Variants in TPRG1 observed in about 807,000 individuals in gnomAD.
TPRG1 encodes tumor protein p63-regulated gene 1 protein.
A neutral mutation model predicts 29.3 loss-of-function variants in TPRG1; 29 were observed. The observed-to-expected ratio is 0.99, with a 90% confidence interval of 0.74 to 1.35. The LOEUF (loss-of-function observed/expected upper bound fraction) is 1.35. Among genes scored for constraint, TPRG1 ranks in the 40% most tolerant of loss-of-function variants. The pLI is 0.00. For synonymous variants in TPRG1, 130 were observed against 116.8 expected, an observed-to-expected ratio of 1.11 and a Z score of -0.73; for missense variants, 327 against 335.0, an observed-to-expected ratio of 0.98 and a Z score of 0.19.
intron 4 of TPRG1, among the ~76,000 whole-genome samples, chr3:189,292,547 A>G (rs1454229961): frequency 6.6e-6 from 1 of 152,138 alleles, no homozygotes; most frequent in East Asian, 1.9e-4. Context: ...AACAGAAATA[A>G]CAGAAGGATC....
At chr3:189,227,477 A>G (rs1294463960) in intron 3 of TPRG1, among the ~76,000 whole-genome samples, 1 of 152,140 alleles carries the variant, frequency 6.6e-6, no homozygotes, top group East Asian at 1.9e-4. Flanking sequence ...CTTCTCTCAA[A>G]AGTCATGCTG....
chr3:189,181,160 T>C (rs1653412112), intron 1 of TPRG1, among the ~76,000 whole-genome samples: 2 of 152,056 alleles, frequency 1.3e-5, no homozygotes, highest in South Asian at 4.2e-4. Flanking sequence ...ACTAAACCAC[T>C]TTTTCCTCTT....
At chr3:189,278,178 A>T (rs1716485364) in intron 4 of TPRG1, among the ~76,000 whole-genome samples, 1 of 152,118 alleles carries the variant, frequency 6.6e-6, no homozygotes, top group African/African-American at 2.4e-5. Context: ...TCTTTCCACA[A>T]TATTCTGCCT....
At chr3:189,273,509 A>G (rs1428630471) in intron 4 of TPRG1, among the ~76,000 whole-genome samples, 1 of 152,222 alleles carries the variant, frequency 6.6e-6, no homozygotes, top group Non-Finnish European at 1.5e-5. Flanking sequence ...TTGTAGACTC[A>G]GGAAACTTGA....
chr3:189,295,865 T>C (rs1719827984), intron 4 of TPRG1, among the ~76,000 whole-genome samples: 1 of 151,764 alleles, frequency 6.6e-6, no homozygotes, highest in Admixed American at 6.6e-5. Flanking sequence ...ATCCTAATTA[T>C]GTTGTGGGGA....
At chr3:189,183,776 C>T (rs1337896753) in intron 1 of TPRG1, among the ~76,000 whole-genome samples, 2 of 151,798 alleles carry the variant, frequency 1.3e-5, no homozygotes, top group South Asian at 2.1e-4. Flanking sequence ...TTATCCTGTT[C>T]TTTTTTCAAG....
At chr3:189,038,574 G>A (rs77303732) in intron 4 of TPRG1, among the ~76,000 whole-genome samples, 2,807 of 151,880 alleles carry the variant, frequency 0.018, 85 homozygotes, top group African/African-American at 0.064. Flanking sequence ...ATGATTTCTG[G>A]AACAATACTC....
Position 189,249,687 on chromosome 3 carries a change from TTC to T in TPRG1, c.479+10782_479+10783del, listed in dbSNP as rs1258821118. On this transcript the variant is annotated intron_variant, in intron 4 of 5. Transcript: ENST00000345063. Reference sequence around the variant, plus strand: ...TTCTTCTAACAGAGTAATCATAGGTTTCTCTTTCTACTAGTGATTGTAAGTGT... The same window carrying T: ...TTCTTCTAACAGAGTAATCATAGGTTTCTTTCTACTAGTGATTGTAAGTGT... 3.3e-5 allele frequency among the ~76,000 whole-genome samples: 5 copies of T among 152,048 alleles called. No homozygotes were observed. In the East Asian group the frequency reaches 7.7e-4, roughly 23 times the overall value.
chr3:189,111,218 A>C (rs916723681), intron 1 of TPRG1, among the ~76,000 whole-genome samples: 1 of 152,058 alleles, frequency 6.6e-6, no homozygotes, highest in African/African-American at 2.4e-5. Context: ...CATAGTATAT[A>C]TCTCCTTTTA....
chr3:189,295,496 C>CAAAA (rs368195264), intron 4 of TPRG1, among the ~76,000 whole-genome samples: 9 of 85,524 alleles, frequency 1.1e-4, no homozygotes, highest in African/African-American at 4.4e-4. Flanking sequence ...ACTCAGATTG[C>CAAAA]AAAAAAAAAA....
At chr3:189,033,706 A>C (rs1409968935) in intron 4 of TPRG1, among the ~76,000 whole-genome samples, 1 of 151,584 alleles carries the variant, frequency 6.6e-6, no homozygotes. Flanking sequence ...CAGCCTTCCG[A>C]GTAGCTGGGA....
At chr3:189,167,234 A>C (rs1728274078), upstream of TPRG1, among the ~76,000 whole-genome samples, 1 of 152,190 alleles carries the variant, frequency 6.6e-6, no homozygotes, top group South Asian at 2.1e-4. Flanking sequence ...CTTAGCAGGA[A>C]TGGTGAGCCA....
intron 1 of TPRG1, among the ~76,000 whole-genome samples, chr3:189,172,849 G>A (rs1560512009): frequency 1.3e-5 from 2 of 152,144 alleles, no homozygotes; most frequent in South Asian, 4.1e-4. Flanking sequence ...GTTTTAATTC[G>A]GGGCTAAATG....
chr3:189,193,540 A>G (rs1732048728), intron 1 of TPRG1, among the ~76,000 whole-genome samples: 1 of 151,992 alleles, frequency 6.6e-6, no homozygotes, highest in Admixed American at 6.5e-5. Context: ...TGGAACTTCC[A>G]TGATACAAAT....
intron 4 of TPRG1, among the ~76,000 whole-genome samples, chr3:189,033,728 A>T (rs528166354): frequency 3.3e-5 from 5 of 151,952 alleles, no homozygotes; most frequent in African/African-American, 1.2e-4. Flanking sequence ...TACAGGTACC[A>T]GCCACCATGC....
At chr3:189,058,782 C>T (rs899853454) in intron 4 of TPRG1, among the ~76,000 whole-genome samples, 14 of 152,192 alleles carry the variant, frequency 9.2e-5, no homozygotes, top group East Asian at 3.8e-4. Flanking sequence ...CAGCCTTTAT[C>T]GCTGGGGCTG....
intron 4 of TPRG1, among the ~76,000 whole-genome samples, chr3:189,299,527 G>T: frequency 6.6e-6 from 1 of 151,392 alleles, no homozygotes; most frequent in East Asian, 1.9e-4. Flanking sequence ...TTTTTAAACA[G>T]AACAACTCAG....
intron 4 of TPRG1, among the ~76,000 whole-genome samples, chr3:189,041,809 G>T (rs1714652237): frequency 6.6e-6 from 1 of 152,136 alleles, no homozygotes; most frequent in East Asian, 1.9e-4. Flanking sequence ...ATGCACAAAG[G>T]CCTCAGACTC....
At chr3:189,019,154 A>T (rs1713136726) in intron 3 of TPRG1, among the ~76,000 whole-genome samples, 1 of 150,960 alleles carries the variant, frequency 6.6e-6, no homozygotes, top group Non-Finnish European at 1.5e-5. Context: ...GGTTTTCTAG[A>T]TATACAATCA....
Sources: gnomAD v4.1 joint callset for allele counts (sites outside exome capture counted in the v4.1 genomes callset) on GRCh38, gnomAD v4.1.1 for gene constraint, MANE v1.5 for transcripts, NCBI Gene and HGNC (gene_info 2026-07-23, HGNC 2026-07-21) for gene names.